Variants in ARRB1 observed in about 807,000 individuals in gnomAD.
The protein encoded by ARRB1 is arrestin beta 1.
Under a neutral mutation model 56.8 loss-of-function variants are expected in ARRB1, and 21 were observed. That is an observed-to-expected ratio of 0.37 (90% CI 0.26 to 0.53). ARRB1 has a LOEUF of 0.53. Ranked by LOEUF, ARRB1 falls within the 20% of genes least tolerant of loss-of-function variation. ARRB1 has a pLI of 0.88. For synonymous variants in ARRB1, 210 were observed against 218.6 expected (o/e 0.96, Z 0.35); for missense variants, 424 against 553.7 (o/e 0.77, Z 2.35).
chr11:75,319,330 G>C (rs572063139), intron 1 of ARRB1, among the ~76,000 whole-genome samples: 4 of 152,164 alleles, frequency 2.6e-5, no homozygotes, highest in Non-Finnish European at 4.4e-5. Context: ...ACAGAGACCC[G>C]GGACCAGGTG....
intron 1 of ARRB1, among the ~76,000 whole-genome samples, 172 bp downstream of exon 1, chr11:75,351,416 C>T (rs759135919): frequency 6.6e-6 from 1 of 152,242 alleles, no homozygotes; most frequent in Non-Finnish European, 1.5e-5. Flanking sequence ...TGGGTCCCCC[C>T]GCCCACGGCC....
chr11:75,288,431 G>A (rs916235538), intron 2 of ARRB1, among the ~76,000 whole-genome samples: 92 of 151,952 alleles, frequency 6.1e-4, no homozygotes, highest in African/African-American at 2.1e-3. Context: ...TCATCCTGAT[G>A]TGTGCTGTTC....
At position 75,287,522 on chromosome 11, in the gene ARRB1, C is replaced by T. The variant is rs1946509710; in HGVS notation, c.52-147G>A. 37 of 719,830 alleles carry T rather than the reference C, an allele frequency of 5.1e-5. No individual in the cohort carries two copies. The South Asian group carries it at 7.8e-4, about 15-fold the overall frequency. The allele number at this position is 719,830 out of a possible 1,614,324, so 44.6% of individuals were successfully genotyped here. The stretch of plus-strand genomic sequence containing the variant: ...AATCCTAAGTGGACTTGGGCCTTCA[C>T]CCCAGCCCTAATACCAAGATTCGCA... On this transcript the variant is annotated intron_variant, in intron 2 of 15. Coordinates refer to ENST00000420843, the MANE Select transcript of ARRB1 (RefSeq NM_004041.5).
chr11:75,288,114 C>T (rs2140435810), intron 2 of ARRB1, among the ~76,000 whole-genome samples: 1 of 152,328 alleles, frequency 6.6e-6, no homozygotes, highest in South Asian at 2.1e-4. Context: ...CAGCCTGCCT[C>T]AGCCTCCCAA....
At chr11:75,315,489 A>T (rs1947250311) in intron 1 of ARRB1, among the ~76,000 whole-genome samples, 1 of 152,134 alleles carries the variant, frequency 6.6e-6, no homozygotes, top group Non-Finnish European at 1.5e-5. Context: ...AGGTCCTCCC[A>T]TCTCTCTCTT....
At chr11:75,268,201 C>T (rs112332949) in intron 14 of ARRB1, among the ~76,000 whole-genome samples, 6 of 152,182 alleles carry the variant, frequency 3.9e-5, no homozygotes, top group African/African-American at 1.4e-4. Flanking sequence ...GACCAATCTG[C>T]TATCACTTGA....
chr11:75,276,966 GTC>G (rs1946214149), intron 9 of ARRB1, 55 bp from the exon 10 acceptor site: 1 of 1,571,078 alleles, frequency 6.4e-7, no homozygotes, highest in Non-Finnish European at 8.7e-7. Context: ...CTCCCATGGA[GTC>G]TCACAGGCGT....
At chr11:75,321,002 G>A (rs964202804) in intron 1 of ARRB1, among the ~76,000 whole-genome samples, 4 of 152,052 alleles carry the variant, frequency 2.6e-5, no homozygotes, top group African/African-American at 4.8e-5. Context: ...CACAACACAC[G>A]TGCACAGACA....
chr11:75,315,807 G>A (rs932709824), intron 1 of ARRB1, among the ~76,000 whole-genome samples: 2 of 147,330 alleles, frequency 1.4e-5, no homozygotes, highest in African/African-American at 5.1e-5. Flanking sequence ...GGCACACTGT[G>A]GACCCCCACA....
chr11:75,267,631 T>C, intron 15 of ARRB1, 21 bp downstream of exon 15: 1 of 1,408,114 alleles, frequency 7.1e-7, no homozygotes, highest in Non-Finnish European at 9.6e-7. Context: ...CCCGGATGTC[T>C]GCAGGCAGGG....
rs376450526 is a variant in ARRB1, at chr11:75,268,959, G to A, written c.1023C>T (p.Ser341=). The change falls in exon 14 of 16, where the codon AGC becomes AGT. Residue 341 remains serine (S), a splice_region_variant and synonymous_variant. Transcript: ENST00000420843. ...RGGLLGDLAS[S]DVAVELPFTL... Reference sequence around the variant, plus strand: ...TGAAGGGCAGTTCCACGGCCACGTCGCTGAAACAGAGACCCAGACCCAGTG... The same window carrying A: ...TGAAGGGCAGTTCCACGGCCACGTCACTGAAACAGAGACCCAGACCCAGTG... 1.5e-5 allele frequency: 24 copies of A among 1,608,892 alleles called. No homozygotes were observed. The Admixed American group carries it at 2.2e-4, about 15-fold the overall frequency.
chr11:75,347,103 A>G (rs1947781234), intron 1 of ARRB1, among the ~76,000 whole-genome samples: 1 of 152,246 alleles, frequency 6.6e-6, no homozygotes, highest in Non-Finnish European at 1.5e-5. Flanking sequence ...TGGCAAGCCC[A>G]CAACTCAGGA....
chr11:75,282,239 G>C (rs773506106), intron 5 of ARRB1: 4 of 522,546 alleles, frequency 7.7e-6, no homozygotes, highest in Non-Finnish European at 1.4e-5. Context: ...AGTCCTCGCA[G>C]CAATGGTTTA....
chr11:75,268,817 C>G, intron 14 of ARRB1, 72 bp downstream of exon 14: 1 of 1,526,670 alleles, frequency 6.6e-7, no homozygotes, highest in East Asian at 2.3e-5. Flanking sequence ...GAACCCGGGG[C>G]GGGGTGGGTT....
intron 13 of ARRB1, chr11:75,269,255 A>G (rs1373225603): frequency 8.0e-6 from 5 of 622,858 alleles, no homozygotes; most frequent in African/African-American, 1.8e-5. Context: ...TGCCCGGGGC[A>G]GCATGCACCG....
intron 1 of ARRB1, among the ~76,000 whole-genome samples, chr11:75,320,497 C>T (rs879319307): frequency 6.6e-6 from 1 of 152,164 alleles, no homozygotes; most frequent in Non-Finnish European, 1.5e-5. Flanking sequence ...GAGGCTGGAG[C>T]CTCTGAAAGC....
At chr11:75,333,829 C>A (rs892926769) in intron 1 of ARRB1, among the ~76,000 whole-genome samples, 1 of 152,182 alleles carries the variant, frequency 6.6e-6, no homozygotes. Context: ...GCACAGAAGG[C>A]AAGACATTGC....
intron 1 of ARRB1, among the ~76,000 whole-genome samples, chr11:75,321,955 A>C (rs1402036337): frequency 6.6e-6 from 1 of 152,198 alleles, no homozygotes; most frequent in African/African-American, 2.4e-5. Context: ...CATGACACAG[A>C]TCACAGTGCA....
At chr11:75,302,106 G>A (rs1013868195) in intron 1 of ARRB1, among the ~76,000 whole-genome samples, 6 of 152,260 alleles carry the variant, frequency 3.9e-5, no homozygotes, top group African/African-American at 9.6e-5. Context: ...TGTGGTTCCC[G>A]TCTCCTGTCA....
Sources: gnomAD v4.1 joint callset for allele counts (sites outside exome capture counted in the v4.1 genomes callset) on GRCh38, gnomAD v4.1.1 for gene constraint, MANE v1.5 for transcripts, NCBI Gene and HGNC (gene_info 2026-07-23, HGNC 2026-07-21) for gene names.